Variants in CAMTA1 observed in about 807,000 individuals in gnomAD.
CAMTA1 encodes the protein calmodulin binding transcription activator 1.
CAMTA1 carries 27 observed loss-of-function variants against 170.9 expected under a neutral mutation model. That is an observed-to-expected ratio of 0.16 (90% CI 0.12 to 0.22). The LOEUF (loss-of-function observed/expected upper bound fraction) is 0.22, where lower values mean the gene tolerates loss of function less well. Among genes scored for constraint, CAMTA1 ranks in the 10% least tolerant of loss-of-function variants. The probability of loss-of-function intolerance (pLI) is 1.00; values close to 1 mark genes in which losing one functional copy is unlikely to be tolerated. For missense variants in CAMTA1, 1,619 were observed against 2,217.2 expected (o/e 0.73, Z 5.42); for synonymous variants, 833 against 891.5 (o/e 0.93, Z 1.17).
intron 6 of CAMTA1, among the ~76,000 whole-genome samples, chr1:7,566,225 C>G (rs1034016228): frequency 7.2e-5 from 11 of 152,114 alleles, no homozygotes; most frequent in African/African-American, 2.2e-4. Context: ...CCTGGGTGAC[C>G]CCCAGGCACT....
At chr1:6,790,006 G>T (rs922961154) in intron 1 of CAMTA1, among the ~76,000 whole-genome samples, 2 of 151,324 alleles carry the variant, frequency 1.3e-5, no homozygotes, top group Non-Finnish European at 1.5e-5. Context: ...TAGAGACGGG[G>T]TTTCACCATG....
chr1:6,987,819 A>G (rs964916269), intron 3 of CAMTA1, among the ~76,000 whole-genome samples: 1 of 152,002 alleles, frequency 6.6e-6, no homozygotes, highest in Non-Finnish European at 1.5e-5. Flanking sequence ...CTTCTTCCCC[A>G]TCACTCCTTC....
intron 6 of CAMTA1, among the ~76,000 whole-genome samples, chr1:7,607,683 G>A (rs74055168): frequency 0.012 from 1,781 of 152,272 alleles, 30 homozygotes; most frequent in African/African-American, 0.041. Flanking sequence ...AGGTGAGTAG[G>A]TGGGTTGACA....
chr1:7,137,868 C>A (rs1048265004), intron 4 of CAMTA1, among the ~76,000 whole-genome samples: 9 of 152,242 alleles, frequency 5.9e-5, no homozygotes, highest in African/African-American at 2.2e-4. Flanking sequence ...CATCTGGGGG[C>A]TGCTGTGTCT....
At chr1:7,357,138 A>G (rs1194680942) in intron 5 of CAMTA1, among the ~76,000 whole-genome samples, 1 of 152,250 alleles carries the variant, frequency 6.6e-6, no homozygotes, top group East Asian at 1.9e-4. Flanking sequence ...AGGGAATTTC[A>G]GGATGAAACC....
chr1:6,927,218 G>A (rs1169773145), intron 3 of CAMTA1, among the ~76,000 whole-genome samples: 1 of 145,054 alleles, frequency 6.9e-6, no homozygotes, highest in Non-Finnish European at 1.5e-5. Context: ...CATTTATTTT[G>A]TAGAGATGGG....
intron 6 of CAMTA1, among the ~76,000 whole-genome samples, chr1:7,593,809 A>T (rs554303247): frequency 1.0e-4 from 15 of 146,072 alleles, no homozygotes; most frequent in African/African-American, 3.7e-4. Context: ...TAGGAGGCCA[A>T]GGCAGGTGGA....
At chr1:7,295,339 G>A (rs74622465) in intron 5 of CAMTA1, among the ~76,000 whole-genome samples, 2,719 of 152,214 alleles carry the variant, frequency 0.018, 34 homozygotes, top group Non-Finnish European at 0.028. Flanking sequence ...TCAGTGCCCC[G>A]GGGTTGAGAA....
chr1:7,490,752 G>T (rs572178888), intron 6 of CAMTA1, among the ~76,000 whole-genome samples: 1 of 152,304 alleles, frequency 6.6e-6, no homozygotes, highest in African/African-American at 2.4e-5. Flanking sequence ...TGAGGTCTGT[G>T]CTAGAAGGTG....
chr1:6,841,654 A>T (rs1190427229), intron 3 of CAMTA1, among the ~76,000 whole-genome samples: 1 of 152,128 alleles, frequency 6.6e-6, no homozygotes, highest in Non-Finnish European at 1.5e-5. Context: ...AGAGGATGAA[A>T]TGGGAGACGG....
chr1:6,855,826 C>T (rs1662121868), intron 3 of CAMTA1, among the ~76,000 whole-genome samples: 1 of 152,176 alleles, frequency 6.6e-6, no homozygotes, highest in Non-Finnish European at 1.5e-5. Flanking sequence ...ACTGCTGCCC[C>T]TGGGGCTGAG....
At chr1:7,043,330 C>T (rs979187855) in intron 3 of CAMTA1, among the ~76,000 whole-genome samples, 2 of 150,782 alleles carry the variant, frequency 1.3e-5, no homozygotes, top group African/African-American at 4.9e-5. Context: ...GCTTGTCTGC[C>T]TTACCTTTCT....
rs1460650715 is a variant in CAMTA1 at position 7,736,005 on chromosome 1, C to T, written c.3067-339C>T. ...GGCCAGGCTGGTCTCGAACTCCTGACCACAAGAGATCTGCCCGCCTCAGCC... is the reference window on the plus strand; with the variant it reads ...GGCCAGGCTGGTCTCGAACTCCTGATCACAAGAGATCTGCCCGCCTCAGCC... On this transcript the variant is annotated intron_variant, in intron 12 of 22. Transcript: ENST00000303635. This position sits in a 1 kb window ranked among gnomAD's most constrained non-coding sequence, Gnocchi z 4.5. 6.6e-6 allele frequency among the ~76,000 whole-genome samples: 1 copy of T among 151,848 alleles called. No homozygotes were observed. The highest frequency in any genetic ancestry group is 1.5e-5 in the Non-Finnish European group (1 of 67,968).
At chr1:6,941,294 A>G (rs1252211594) in intron 3 of CAMTA1, among the ~76,000 whole-genome samples, 1 of 152,148 alleles carries the variant, frequency 6.6e-6, no homozygotes, top group Non-Finnish European at 1.5e-5. Flanking sequence ...CACCATTGGG[A>G]GACCGGGCTG....
intron 3 of CAMTA1, among the ~76,000 whole-genome samples, chr1:7,023,593 G>A (rs1445087090): frequency 6.6e-6 from 1 of 152,134 alleles, no homozygotes. Context: ...ATAATGGGAT[G>A]AAACAAGTGG....
chr1:7,710,800 C>T (rs1238771892), intron 11 of CAMTA1, among the ~76,000 whole-genome samples: 1 of 151,968 alleles, frequency 6.6e-6, no homozygotes, highest in Non-Finnish European at 1.5e-5. Context: ...AGATGGCCCA[C>T]TCTGAGCTAC....
intron 3 of CAMTA1, among the ~76,000 whole-genome samples, chr1:7,040,492 T>G (rs758783298): frequency 2.0e-5 from 3 of 152,148 alleles, no homozygotes; most frequent in Non-Finnish European, 4.4e-5. Flanking sequence ...CTCCTCTGGA[T>G]TCATTAATTC....
chr1:7,375,407 A>G (rs886218030), intron 5 of CAMTA1, among the ~76,000 whole-genome samples: 2 of 152,194 alleles, frequency 1.3e-5, no homozygotes, highest in Admixed American at 1.3e-4. Flanking sequence ...TCACCTCACC[A>G]GGCAGGAGCA....
intron 3 of CAMTA1, among the ~76,000 whole-genome samples, chr1:6,828,886 C>T (rs1033117239): frequency 4.1e-5 from 6 of 145,958 alleles, no homozygotes; most frequent in East Asian, 2.0e-4. Context: ...TATTCTGTAA[C>T]GTAGTTTTTT....
Sources: gnomAD v4.1 joint callset for allele counts (sites outside exome capture counted in the v4.1 genomes callset) on GRCh38, gnomAD v4.1.1 for gene constraint, Gnocchi (gnomAD v3.1) non-coding constraint, MANE v1.5 for transcripts, NCBI Gene and HGNC (gene_info 2026-07-23, HGNC 2026-07-21) for gene names.